SPOCK1: variants seen among roughly 807,000 people sequenced by gnomAD.
The protein encoded by SPOCK1 is SPARC (osteonectin), cwcv and kazal like domains proteoglycan 1, also known as testican-1.
SPOCK1 carries 23 observed loss-of-function variants against 55.3 expected under a neutral mutation model. That is an observed-to-expected ratio of 0.42 (90% CI 0.30 to 0.59). The LOEUF is 0.59. SPOCK1 is among the 20% of genes least tolerant of loss of function. The pLI, the probability that SPOCK1 is intolerant of heterozygous loss-of-function variation, is 0.22. For missense variants in SPOCK1, 499 were observed against 552.5 expected, an observed-to-expected ratio of 0.90 and a Z score of 0.97; for synonymous variants, 226 against 221.0, an observed-to-expected ratio of 1.02 and a Z score of -0.20.
At chr5:137,040,654 T>C (rs1277582581) in intron 6 of SPOCK1, among the ~76,000 whole-genome samples, 2 of 152,254 alleles carry the variant, frequency 1.3e-5, no homozygotes, top group Non-Finnish European at 2.9e-5. Context: ...TGTTTGATGT[T>C]CTAATTCCCA....
chr5:137,084,954 CAAAAAAA>C lies in SPOCK1; in HGVS notation c.475-17132_475-17126del, dbSNP rs10568473. Among the ~76,000 whole-genome samples the C allele has an allele frequency of 1.9e-4, 22 of 114,246 alleles. No homozygotes were observed. In the South Asian group the frequency reaches 5.4e-3, roughly 28 times the overall value. The allele number at this position is 114,246 out of a possible 152,430, so 74.9% of individuals were successfully genotyped here. A position where few individuals can be genotyped will look rare whatever the true frequency, so the allele number is the denominator to read the frequency against. On this transcript the variant is annotated intron_variant, in intron 5 of 10. Transcript: ENST00000394945. ...CAGAAGGCAAGAGATTTATACAAAG[CAAAAAAA>C]AAAAAAAAAAAGAATTGCACCATCA...
chr5:137,041,581 G>A (rs919103048), intron 6 of SPOCK1, among the ~76,000 whole-genome samples: 1 of 152,082 alleles, frequency 6.6e-6, no homozygotes, highest in African/African-American at 2.4e-5. Flanking sequence ...TAAAAGACTT[G>A]TATCCAAAAT....
chr5:137,193,199 T>C (rs962600126), intron 3 of SPOCK1, among the ~76,000 whole-genome samples: 3 of 152,098 alleles, frequency 2.0e-5, no homozygotes, highest in Non-Finnish European at 4.4e-5. Flanking sequence ...AAGAGGGTCA[T>C]GTTAAACTAG....
chr5:137,491,549 G>A (rs1275712771), intron 2 of SPOCK1, among the ~76,000 whole-genome samples: 1 of 152,090 alleles, frequency 6.6e-6, no homozygotes, highest in African/African-American at 2.4e-5. Flanking sequence ...GGGGCTCTGT[G>A]GTAAAGGTCT....
At chr5:137,044,456 C>G (rs996542850) in intron 6 of SPOCK1, among the ~76,000 whole-genome samples, 1 of 152,158 alleles carries the variant, frequency 6.6e-6, no homozygotes, top group Non-Finnish European at 1.5e-5. Context: ...TAAGAATAAT[C>G]TGAGTTCAAA....
chr5:137,050,475 G>A (rs557466160), intron 6 of SPOCK1, among the ~76,000 whole-genome samples: 86 of 150,916 alleles, frequency 5.7e-4, no homozygotes, highest in African/African-American at 1.9e-3. Context: ...TCCCAGGTGA[G>A]GCAATGCCTC....
At chr5:137,039,393 T>C (rs190067129) in intron 6 of SPOCK1, among the ~76,000 whole-genome samples, 43 of 151,476 alleles carry the variant, frequency 2.8e-4, no homozygotes, top group African/African-American at 1.0e-3. Context: ...TGGATCTTGA[T>C]CCTTGAGGAC....
chr5:137,430,726 C>T (rs1428616833), intron 2 of SPOCK1, among the ~76,000 whole-genome samples: 1 of 152,202 alleles, frequency 6.6e-6, no homozygotes, highest in Non-Finnish European at 1.5e-5. Context: ...CTCATTTTGG[C>T]TTTAGAATTC....
chr5:137,419,018 T>C (rs1293390153), intron 2 of SPOCK1, among the ~76,000 whole-genome samples: 3 of 152,336 alleles, frequency 2.0e-5, no homozygotes, highest in Admixed American at 2.0e-4. Flanking sequence ...TTTCTACATA[T>C]GGCTAGCCAG....
intron 6 of SPOCK1, among the ~76,000 whole-genome samples, chr5:137,045,099 A>C (rs956096200): frequency 3.8e-4 from 57 of 150,426 alleles, no homozygotes; most frequent in Admixed American, 7.9e-4. Flanking sequence ...TGCCGCAATA[A>C]ACATACGTGT....
At chr5:136,982,272 G>A (rs544216707) in intron 9 of SPOCK1, among the ~76,000 whole-genome samples, 1 of 152,254 alleles carries the variant, frequency 6.6e-6, no homozygotes, top group East Asian at 1.9e-4. Flanking sequence ...GATTTGCTTT[G>A]TCAGATATTA....
intron 2 of SPOCK1, among the ~76,000 whole-genome samples, chr5:137,406,286 G>C (rs1434260948): frequency 6.6e-6 from 1 of 152,206 alleles, no homozygotes; most frequent in Non-Finnish European, 1.5e-5. Flanking sequence ...AGGTGCCAAA[G>C]TCATCGGAAG....
chr5:137,346,749 A>G (rs546904551), intron 2 of SPOCK1, among the ~76,000 whole-genome samples: 15 of 152,388 alleles, frequency 9.8e-5, no homozygotes, highest in African/African-American at 2.4e-4. Context: ...ACAACTCCTG[A>G]TAGCACTGTG....
chr5:137,082,946 G>A (rs773603483), intron 5 of SPOCK1, among the ~76,000 whole-genome samples: 37 of 152,090 alleles, frequency 2.4e-4, no homozygotes, highest in Admixed American at 2.0e-4. Context: ...ATTCATTAAC[G>A]AAGGCCAACT....
In SPOCK1 at chr5:137,370,593, C is replaced by T. The variant is rs776375966; in HGVS notation, c.187-103538G>A. Among the ~76,000 whole-genome samples, 8 of 152,306 alleles carry T rather than the reference C, an allele frequency of 5.3e-5. No individual in the cohort carries two copies. In the South Asian group the frequency reaches 6.2e-4, roughly 12 times the overall value. ...AAAGAATGCATCATTCAATGTCCTG[C>T]GGCAACAGAAACACCCAACCCAGTG... On this transcript the variant is annotated intron_variant, in intron 2 of 10. Coordinates refer to ENST00000394945, the MANE Select transcript of SPOCK1 (RefSeq NM_004598.4).
intron 2 of SPOCK1, among the ~76,000 whole-genome samples, chr5:137,414,480 C>A (rs1221043729): frequency 1.3e-5 from 2 of 152,186 alleles, no homozygotes; most frequent in Non-Finnish European, 2.9e-5. Context: ...CCACCTTTCC[C>A]TTCTAGAGTA....
intron 3 of SPOCK1, among the ~76,000 whole-genome samples, chr5:137,177,784 G>A (rs1019241231): frequency 3.3e-5 from 5 of 151,616 alleles, no homozygotes; most frequent in Non-Finnish European, 5.9e-5. Context: ...TGATCCAGTC[G>A]AGAGAAATGA....
At chr5:137,144,980 C>T (rs1394441592) in intron 3 of SPOCK1, among the ~76,000 whole-genome samples, 1 of 152,102 alleles carries the variant, frequency 6.6e-6, no homozygotes, top group African/African-American at 2.4e-5. Flanking sequence ...TCTTCTCTAC[C>T]TCTTCTATCA....
intron 6 of SPOCK1, among the ~76,000 whole-genome samples, chr5:137,024,824 A>G (rs777985426): frequency 4.6e-5 from 7 of 152,206 alleles, no homozygotes; most frequent in Non-Finnish European, 8.8e-5. Flanking sequence ...TCACTGCAGC[A>G]CTGTTCACAA....
Sources: gnomAD v4.1 joint callset for allele counts (sites outside exome capture counted in the v4.1 genomes callset) on GRCh38, gnomAD v4.1.1 for gene constraint, MANE v1.5 for transcripts, NCBI Gene and HGNC (gene_info 2026-07-23, HGNC 2026-07-21) for gene names.